The following DIPK1A variants were observed in gnomAD, a reference collection of about 807,000 sequenced individuals.
The protein encoded by DIPK1A is family with sequence similarity 69 member A.
DIPK1A carries 27 observed loss-of-function variants against 40.8 expected under a neutral mutation model. The observed-to-expected ratio is 0.66, with a 90% CI of 0.49 to 0.91. The LOEUF is 0.91. Ranked by LOEUF, DIPK1A falls within the 40% of genes least tolerant of loss-of-function variation. The pLI is 0.00. For synonymous variants in DIPK1A, 166 were observed against 171.3 expected (o/e 0.97, Z 0.24); for missense variants, 412 against 505.7 (o/e 0.81, Z 1.78).
intron 1 of DIPK1A, among the ~76,000 whole-genome samples, chr1:92,929,358 C>T (rs1650651689): frequency 6.6e-6 from 1 of 152,202 alleles, no homozygotes; most frequent in Admixed American, 6.5e-5. Context: ...AGCTCTTCTC[C>T]ATTCTTTTAG....
In DIPK1A at chr1:92,869,137, AAAAT is replaced by A. The variant is rs1647711866; in HGVS notation, c.189+7155_189+7158del. 2.3e-5 allele frequency among the ~76,000 whole-genome samples: 3 copies of A among 130,276 alleles called. No individual in the cohort carries two copies. In the Admixed American group the frequency reaches 2.6e-4, roughly 11 times the overall value. The allele number at this position is 130,276 out of a possible 152,430, so 85.5% of individuals were successfully genotyped here. A position where few individuals can be genotyped will look rare whatever the true frequency, so the allele number is the denominator to read the frequency against. On this transcript the variant is annotated intron_variant, in intron 2 of 4. Coordinates refer to ENST00000370310, the MANE Select transcript of DIPK1A (RefSeq NM_001006605.5). The stretch of plus-strand genomic sequence containing the variant: ...TTGCTATATGACAGTAGTTACCTTG[AAAAT>A]AAATATTACACTATTATTATTATTA...
intron 1 of DIPK1A, among the ~76,000 whole-genome samples, chr1:92,896,982 G>A (rs1328398969): frequency 2.6e-5 from 4 of 151,946 alleles, no homozygotes; most frequent in African/African-American, 9.7e-5. Flanking sequence ...TTAGAATGGT[G>A]ATCATTAAAA....
chr1:92,861,344 T>TTTTTTG (rs1647264342), intron 2 of DIPK1A, among the ~76,000 whole-genome samples: 1 of 145,444 alleles, frequency 6.9e-6, no homozygotes, highest in African/African-American at 2.6e-5. Flanking sequence ...TTTTTTTTTT[T>TTTTTTG]GAGACAGGGT....
intron 1 of DIPK1A, among the ~76,000 whole-genome samples, chr1:92,878,906 C>G (rs1171384799): frequency 6.6e-6 from 1 of 151,978 alleles, no homozygotes; most frequent in African/African-American, 2.4e-5. Flanking sequence ...ACTCAGGAGG[C>G]TGAGGCAGGA....
At chr1:92,886,750 CTA>C (rs1408408010) in intron 1 of DIPK1A, among the ~76,000 whole-genome samples, 5 of 151,992 alleles carry the variant, frequency 3.3e-5, no homozygotes, top group Non-Finnish European at 5.9e-5. Flanking sequence ...CATAAAAACT[CTA>C]TGAGCTGATG....
At chr1:92,886,194 C>T (rs994420985) in intron 1 of DIPK1A, among the ~76,000 whole-genome samples, 4 of 151,896 alleles carry the variant, frequency 2.6e-5, no homozygotes, top group Non-Finnish European at 4.4e-5. Context: ...TACCCAGGCA[C>T]GGTGGCTTGC....
intron 3 of DIPK1A, among the ~76,000 whole-genome samples, chr1:92,848,692 C>A (rs1472257403): frequency 6.6e-6 from 1 of 152,176 alleles, no homozygotes; most frequent in African/African-American, 2.4e-5. Context: ...CAGTTCATTA[C>A]TATCTGTCTC....
intron 1 of DIPK1A, among the ~76,000 whole-genome samples, chr1:92,929,823 T>C (rs1293663459): frequency 3.3e-5 from 5 of 152,224 alleles, no homozygotes; most frequent in African/African-American, 1.2e-4. Context: ...TGATTCTTCA[T>C]CCACCTTCCA....
chr1:92,924,477 G>A (rs1333405209), intron 1 of DIPK1A, among the ~76,000 whole-genome samples: 3 of 152,050 alleles, frequency 2.0e-5, no homozygotes, highest in South Asian at 4.1e-4. Flanking sequence ...GAAAAAAGAG[G>A]GAGTGAATGC....
intron 4 of DIPK1A, 44 bp from the exon 5 acceptor site, chr1:92,844,239 C>T: frequency 8.2e-7 from 1 of 1,222,808 alleles, no homozygotes; most frequent in South Asian, 1.4e-5. Context: ...TGAAAAATAC[C>T]TCCCATGCAA....
rs114311745 is a variant in DIPK1A, at chr1:92,865,469, T to C, written c.189+10827A>G. 5.8e-3 allele frequency among the ~76,000 whole-genome samples: 887 copies of C among 152,244 alleles called. 13 individuals carry two copies. The highest frequency in any genetic ancestry group is 0.024 in the Middle Eastern group (7 of 294). On this transcript the variant is annotated intron_variant, in intron 2 of 4. Coordinates refer to ENST00000370310, the MANE Select transcript of DIPK1A (RefSeq NM_001006605.5). ...AAAAAAATGGATTTTTCCAAGCACA[T>C]CTAATTAGGGTTAGTTGTTGCTCTC... is the stretch of plus-strand genomic sequence containing the variant.
At chr1:92,835,028 G>C in intron 4 of DIPK1A, 1 of 1,471,132 alleles carries the variant, frequency 6.8e-7, no homozygotes, top group Non-Finnish European at 9.4e-7. Context: ...GAGAGTGCTT[G>C]CTTCCAGTTT....
At chr1:92,848,237 T>C (rs914301011) in intron 3 of DIPK1A, among the ~76,000 whole-genome samples, 6 of 152,226 alleles carry the variant, frequency 3.9e-5, no homozygotes, top group Non-Finnish European at 4.4e-5. Flanking sequence ...ATTCTTAATA[T>C]TAATCCAAAG....
chr1:92,834,931 T>G, intron 4 of DIPK1A: 1 of 1,600,122 alleles, frequency 6.2e-7, no homozygotes, highest in Non-Finnish European at 8.5e-7. Context: ...CAAGATGATT[T>G]TAATTGATGT....
intron 1 of DIPK1A, among the ~76,000 whole-genome samples, chr1:92,888,407 T>C (rs1648708763): frequency 2.0e-5 from 3 of 152,226 alleles, no homozygotes; most frequent in Admixed American, 1.3e-4. Flanking sequence ...ATTATGTATA[T>C]ATATCACATT....
At chr1:92,946,742 A>C (rs1651380461) in intron 1 of DIPK1A, among the ~76,000 whole-genome samples, 1 of 152,132 alleles carries the variant, frequency 6.6e-6, no homozygotes, top group Admixed American at 6.6e-5. Context: ...CAGGAGTTTG[A>C]GATCAGCCTG....
Position 92,918,482 on chromosome 1 carries a change from T to A in DIPK1A, c.55-42052A>T, listed in dbSNP as rs562902705. On this transcript the variant is annotated intron_variant, in intron 1 of 4. Coordinates refer to ENST00000370310, the MANE Select transcript of DIPK1A (RefSeq NM_001006605.5). Reference sequence around the variant, plus strand: ...TTTCTTTACTGTAAACTACAGAACATCAAGAAATTTCTCATTTATAAATAC... The same window carrying A: ...TTTCTTTACTGTAAACTACAGAACAACAAGAAATTTCTCATTTATAAATAC... Among the ~76,000 whole-genome samples the A allele has an allele frequency of 2.0e-5, 3 of 152,326 alleles. No individual in the cohort carries two copies. In the South Asian group the frequency reaches 6.2e-4, roughly 32 times the overall value.
chr1:92,929,775 T>C (rs75985869), intron 1 of DIPK1A, among the ~76,000 whole-genome samples: 159 of 152,292 alleles, frequency 1.0e-3, no homozygotes, highest in Non-Finnish European at 1.8e-3. Flanking sequence ...ATAATCAATG[T>C]TGTTTTGATT....
Sources: gnomAD v4.1 joint callset for allele counts (sites outside exome capture counted in the v4.1 genomes callset) on GRCh38, gnomAD v4.1.1 for gene constraint, MANE v1.5 for transcripts, NCBI Gene and HGNC (gene_info 2026-07-23, HGNC 2026-07-21) for gene names.